Variants in SLBP observed in about 807,000 individuals in gnomAD.
The protein encoded by SLBP is stem-loop histone mRNA binding protein.
Under a neutral mutation model 39.2 loss-of-function variants are expected in SLBP, and 29 were observed. The ratio of observed to expected loss-of-function variants is 0.74; its 90% CI spans 0.55 to 1.01. The LOEUF (loss-of-function observed/expected upper bound fraction) is 1.01. Ranked by LOEUF, SLBP falls within the 50% of genes least tolerant of loss-of-function variation. SLBP has a pLI of 0.00. For missense variants in SLBP, 390 were observed against 350.2 expected (o/e 1.11, Z -0.91); for synonymous variants, 129 against 118.7 (o/e 1.09, Z -0.57).
At chr4:1,698,001 C>A (rs889077166) in intron 5 of SLBP, among the ~76,000 whole-genome samples, 3 of 151,856 alleles carry the variant, frequency 2.0e-5, no homozygotes, top group Non-Finnish European at 4.4e-5. Flanking sequence ...GCGGCATGCA[C>A]CGCTGGTCCC....
At chr4:1,711,522 C>T (rs1394013606) in intron 2 of SLBP, among the ~76,000 whole-genome samples, 1 of 152,334 alleles carries the variant, frequency 6.6e-6, no homozygotes, top group East Asian at 1.9e-4. Context: ...CAGGTAAGCC[C>T]TGTCAACTCA....
intron 5 of SLBP, among the ~76,000 whole-genome samples, chr4:1,698,062 A>C (rs1306581096): frequency 6.6e-6 from 1 of 151,672 alleles, no homozygotes. Flanking sequence ...AGGAGTTAAG[A>C]CTACAGTGAG....
Position 1,703,657 on chromosome 4 carries a change from C to T in SLBP, c.220G>A (p.Asp74Asn). Reference sequence around the variant, plus strand: ...TCTTCTTCAACTGCACTTGCCCAGTCAGAGCATCTGGAACGGGGTTTAGGG... The same window carrying T: ...TCTTCTTCAACTGCACTTGCCCAGTTAGAGCATCTGGAACGGGGTTTAGGG... ...EGPKPRSRCS[D>N]WASAVEEDEM... Residue 74 changes from aspartate (D) to asparagine (N), a missense_variant, in exon 3 of 8, where the codon GAC becomes AAC. Physicochemically the swap from Asp to Asn is conservative, Grantham distance 23. Transcript: ENST00000489418. 1.2e-6 allele frequency: 2 copies of T among 1,614,074 alleles called. 1 individual carries two copies. The highest frequency in any genetic ancestry group is 1.7e-6 in the Non-Finnish European group (2 of 1,179,938).
intron 2 of SLBP, among the ~76,000 whole-genome samples, chr4:1,709,026 T>G (rs1716629036): frequency 6.6e-6 from 1 of 152,026 alleles, no homozygotes; most frequent in African/African-American, 2.4e-5. Context: ...TATCTGGACC[T>G]AGGGCCTCTT....
intron 3 of SLBP, 67 bp from the exon 4 acceptor site, chr4:1,700,137 A>C: frequency 1.8e-6 from 2 of 1,126,526 alleles, no homozygotes; most frequent in Non-Finnish European, 2.6e-6. Flanking sequence ...GGTCTGAGGA[A>C]GCTCCACCCT....
chr4:1,695,921 A>G (rs1390484831), intron 6 of SLBP, among the ~76,000 whole-genome samples: 1 of 152,212 alleles, frequency 6.6e-6, no homozygotes, highest in Non-Finnish European at 1.5e-5. Context: ...TTTTTAGGGG[A>G]AAAACAACTA....
intron 5 of SLBP, among the ~76,000 whole-genome samples, chr4:1,696,884 G>T (rs1282419156): frequency 6.8e-6 from 1 of 147,680 alleles, no homozygotes. Flanking sequence ...GCAACACAGC[G>T]AGACTTCACC....
chr4:1,710,266 G>A (rs1458776726), intron 2 of SLBP, among the ~76,000 whole-genome samples: 1 of 152,204 alleles, frequency 6.6e-6, no homozygotes, highest in Admixed American at 6.5e-5. Context: ...CCTACACTCC[G>A]TTACCTTTCT....
rs374192047 is a variant in SLBP, at chr4:1,712,291, G to C, written c.-103C>G. 15 of 682,840 alleles carry C rather than the reference G, an allele frequency of 2.2e-5. No individual in the cohort carries two copies. Among genetic ancestry groups the C allele is most frequent in the East Asian group, 8.5e-5 (2 of 23,668 alleles). 42.3% of individuals were successfully genotyped at this position (682,840 alleles called of 1,614,324 possible). On this transcript the variant is annotated 5_prime_UTR_variant, in exon 1 of 8. Coordinates refer to ENST00000489418, the MANE Select transcript of SLBP (RefSeq NM_006527.4). ...AGGGCAGGGCCTGAGGCAGAAACCCGCGTCCCCGCGCCGGCGCTCACGAGC... is the reference window on the plus strand; with the variant it reads ...AGGGCAGGGCCTGAGGCAGAAACCCCCGTCCCCGCGCCGGCGCTCACGAGC...
chr4:1,710,938 C>T (rs1242528854), intron 2 of SLBP, among the ~76,000 whole-genome samples: 1 of 151,228 alleles, frequency 6.6e-6, no homozygotes, highest in Non-Finnish European at 1.5e-5. Flanking sequence ...GTAATCCTAG[C>T]TGCTGGGGAG....
At position 1,712,248 on chromosome 4, in the gene SLBP, G is replaced by C; in HGVS notation, c.-60C>G. The stretch of plus-strand genomic sequence containing the variant: ...GGCTGAGGCGGCGGCGGCGCGGGCA[G>C]AGAGCGCAGAGTAGAGCAGGGCAGG... On this transcript the variant is annotated 5_prime_UTR_variant, in exon 1 of 8. Coordinates refer to ENST00000489418, the MANE Select transcript of SLBP (RefSeq NM_006527.4). The C allele has an allele frequency of 9.2e-7, 1 of 1,081,192 alleles. No homozygotes were observed. The highest frequency in any genetic ancestry group is 1.2e-6 in the Non-Finnish European group (1 of 831,956). The allele number at this position is 1,081,192 out of a possible 1,614,324, so 67.0% of individuals were successfully genotyped here.
rs888965118 is a variant in SLBP, at chr4:1,703,660, A to G, written c.217T>C (p.Ser73Pro). The G allele has an allele frequency of 6.2e-7, 1 of 1,614,058 alleles. No individual in the cohort carries two copies. Among genetic ancestry groups the G allele is most frequent in the Non-Finnish European group, 8.5e-7 (1 of 1,179,892 alleles). The change falls in exon 3 of 8, where the codon TCT becomes CCT. Residue 73 changes from serine (S) to proline (P), a missense_variant. Coordinates refer to ENST00000489418, the MANE Select transcript of SLBP (RefSeq NM_006527.4). ...TCTTCAACTGCACTTGCCCAGTCAGAGCATCTGGAACGGGGTTTAGGGCCT... is the reference window on the plus strand; with the variant it reads ...TCTTCAACTGCACTTGCCCAGTCAGGGCATCTGGAACGGGGTTTAGGGCCT... ...PEGPKPRSRC[S>P]DWASAVEEDE...
At chr4:1,698,667 G>A (rs980522166) in intron 5 of SLBP, among the ~76,000 whole-genome samples, 11 of 151,768 alleles carry the variant, frequency 7.2e-5, no homozygotes, top group Non-Finnish European at 1.5e-4. Context: ...TGTATTTTTA[G>A]TAGAGACGGG....
intron 5 of SLBP, among the ~76,000 whole-genome samples, chr4:1,696,597 G>C (rs1716113221): frequency 6.6e-6 from 1 of 151,784 alleles, no homozygotes; most frequent in Non-Finnish European, 1.5e-5. Context: ...CAACAAAACA[G>C]AACAAAAAAA....
chr4:1,693,527 G>A lies in SLBP; in HGVS notation c.*70C>T. On this transcript the variant is annotated 3_prime_UTR_variant, in exon 8 of 8. Transcript: ENST00000489418. ...CCACCAGGTACAAGTGCACACACAT[G>A]CTTGGTGCCTGGCCAGCCTTCCACC... is the stretch of plus-strand genomic sequence containing the variant. The A allele has an allele frequency of 4.6e-6, 4 of 872,676 alleles. No homozygotes were observed. The highest frequency in any genetic ancestry group is 7.9e-6 in the Non-Finnish European group (4 of 508,596). The allele number at this position is 872,676 out of a possible 1,614,324, so 54.1% of individuals were successfully genotyped here.
intron 2 of SLBP, among the ~76,000 whole-genome samples, chr4:1,706,069 A>G (rs1716505027): frequency 6.6e-6 from 1 of 152,148 alleles, no homozygotes; most frequent in Admixed American, 6.5e-5. Flanking sequence ...TGGATGACCC[A>G]AGGTAAGGAG....
At chr4:1,704,271 T>G (rs1716437300) in intron 2 of SLBP, among the ~76,000 whole-genome samples, 1 of 152,196 alleles carries the variant, frequency 6.6e-6, no homozygotes, top group African/African-American at 2.4e-5. Flanking sequence ...GCAGTGTGTG[T>G]GGCAGTCAGA....
In SLBP at chr4:1,700,051, TGAG is replaced by T; in HGVS notation, c.298_300del (p.Leu100del). 3 of 1,600,990 alleles carry T rather than the reference TGAG, an allele frequency of 1.9e-6. No homozygotes were observed. Among genetic ancestry groups the T allele is most frequent in the Non-Finnish European group, 1.7e-6 (2 of 1,170,784 alleles). On this transcript the variant is annotated inframe_deletion, in exon 4 of 8. Transcript: ENST00000489418. Reference sequence around the variant, plus strand: ...TTTCTCTCTCTTCCAAAGTCATTGATGAGGAGTTTCCTTTTATATCTGAGGGCA... The same window carrying T: ...TTTCTCTCTCTTCCAAAGTCATTGATGAGTTTCCTTTTATATCTGAGGGCA...
chr4:1,707,509 A>C (rs575154223), intron 2 of SLBP, among the ~76,000 whole-genome samples: 2 of 152,140 alleles, frequency 1.3e-5, no homozygotes, highest in East Asian at 3.9e-4. Flanking sequence ...AATTTAAAAA[A>C]TAATAATCAG....
Sources: allele counts gnomAD v4.1 joint callset (sites outside exome capture counted in the v4.1 genomes callset), GRCh38; gene constraint gnomAD v4.1.1; transcripts MANE v1.5; gene names NCBI Gene and HGNC (gene_info 2026-07-23, HGNC 2026-07-21).